The following PTPRT variants were observed in gnomAD, a reference collection of about 807,000 sequenced individuals.
The protein encoded by PTPRT is receptor-type tyrosine-protein phosphatase T.
PTPRT carries 56 observed loss-of-function variants against 176.8 expected under a neutral mutation model. That is an observed-to-expected ratio of 0.32 (90% CI 0.26 to 0.40). The LOEUF is 0.40. Ranked by LOEUF, PTPRT falls within the 10% of genes least tolerant of loss-of-function variation. PTPRT has a pLI of 1.00. For synonymous variants in PTPRT, 783 were observed against 739.0 expected, an observed-to-expected ratio of 1.06 and a Z score of -0.96; for missense variants, 1,540 against 1,908.2, an observed-to-expected ratio of 0.81 and a Z score of 3.60.
chr20:42,930,424 G>A (rs1359351910), intron 1 of PTPRT, among the ~76,000 whole-genome samples: 1 of 152,006 alleles, frequency 6.6e-6, no homozygotes, highest in East Asian at 1.9e-4. Flanking sequence ...TTCCCTAAAT[G>A]CCTCAAGTCT....
At chr20:42,996,545 T>G (rs1457837545) in intron 1 of PTPRT, among the ~76,000 whole-genome samples, 1 of 152,206 alleles carries the variant, frequency 6.6e-6, no homozygotes, top group African/African-American at 2.4e-5. Flanking sequence ...TGGATCCACT[T>G]TGCACACACA....
chr20:42,609,096 C>T (rs148894555), intron 7 of PTPRT, among the ~76,000 whole-genome samples: 2 of 152,100 alleles, frequency 1.3e-5, no homozygotes, highest in African/African-American at 4.8e-5. Context: ...ATTTTTGAGA[C>T]AGAGTCTCCT....
intron 7 of PTPRT, among the ~76,000 whole-genome samples, chr20:42,648,491 C>T (rs891694930): frequency 6.6e-6 from 1 of 152,122 alleles, no homozygotes; most frequent in African/African-American, 2.4e-5. Context: ...AGAGAAACAG[C>T]AGGTTCTATC....
intron 1 of PTPRT, among the ~76,000 whole-genome samples, chr20:43,014,135 T>C (rs1325170271): frequency 2.0e-5 from 3 of 152,088 alleles, no homozygotes; most frequent in Non-Finnish European, 4.4e-5. Context: ...GAAAAACACA[T>C]CTATTCTCTC....
intron 2 of PTPRT, among the ~76,000 whole-genome samples, chr20:42,850,236 GTA>G (rs1322600554): frequency 6.6e-6 from 1 of 152,184 alleles, no homozygotes; most frequent in African/African-American, 2.4e-5. Flanking sequence ...CTTTGAACCT[GTA>G]TAGTGTAGGC....
At chr20:42,329,065 C>A (rs1172125056) in intron 11 of PTPRT, among the ~76,000 whole-genome samples, 1 of 152,040 alleles carries the variant, frequency 6.6e-6, no homozygotes, top group Non-Finnish European at 1.5e-5. Context: ...ACACCACAAG[C>A]TTAATGTTAG....
At chr20:42,400,383 G>GT in intron 9 of PTPRT, among the ~76,000 whole-genome samples, 1 of 152,056 alleles carries the variant, frequency 6.6e-6, no homozygotes, top group Admixed American at 6.6e-5. Context: ...CTATGTCCTA[G>GT]GGAGATGAGT....
chr20:42,938,251 CT>C (rs1377373080), intron 1 of PTPRT, among the ~76,000 whole-genome samples: 2 of 152,146 alleles, frequency 1.3e-5, no homozygotes, highest in Non-Finnish European at 2.9e-5. Flanking sequence ...ATATCAGTAT[CT>C]GTAACTCATA....
At chr20:42,295,257 A>G (rs961434332) in intron 12 of PTPRT, among the ~76,000 whole-genome samples, 1 of 152,222 alleles carries the variant, frequency 6.6e-6, no homozygotes, top group Non-Finnish European at 1.5e-5. Flanking sequence ...GAATTAGACT[A>G]TCATGATACT....
At chr20:43,137,738 C>T (rs1165410504) in intron 1 of PTPRT, among the ~76,000 whole-genome samples, 1 of 152,190 alleles carries the variant, frequency 6.6e-6, no homozygotes, top group African/African-American at 2.4e-5. Flanking sequence ...GCACCTTAGG[C>T]TGACCCTGCC....
intron 7 of PTPRT, among the ~76,000 whole-genome samples, chr20:42,525,261 C>T (rs2072247983): frequency 6.6e-6 from 1 of 152,162 alleles, no homozygotes; most frequent in South Asian, 2.1e-4. Context: ...GCTAGGATTA[C>T]AGGTGTAAGT....
intron 1 of PTPRT, among the ~76,000 whole-genome samples, chr20:42,940,340 T>C (rs978394310): frequency 1.3e-5 from 2 of 152,226 alleles, no homozygotes; most frequent in Non-Finnish European, 2.9e-5. Context: ...CCTTTGATGT[T>C]GTCAAAGAGC....
intron 7 of PTPRT, among the ~76,000 whole-genome samples, chr20:42,493,055 CA>C (rs1669911970): frequency 6.6e-6 from 1 of 152,258 alleles, no homozygotes. Context: ...ATGATAACCA[CA>C]AAAACAACCA....
At chr20:42,750,504 T>G (rs1889847840) in intron 6 of PTPRT, among the ~76,000 whole-genome samples, 1 of 152,138 alleles carries the variant, frequency 6.6e-6, no homozygotes, top group East Asian at 1.9e-4. Flanking sequence ...GAAACTCAAG[T>G]GTATTTAGAA....
the PTPRT span, among the ~76,000 whole-genome samples, chr20:42,052,476 C>A: frequency 2.1e-4 from 32 of 152,164 alleles, no homozygotes; most frequent in South Asian, 5.8e-3. Context: ...TGAAGAGTGG[C>A]CCCCCCACAC....
At chr20:42,673,981 T>C (rs1389930882) in intron 7 of PTPRT, among the ~76,000 whole-genome samples, 1 of 152,196 alleles carries the variant, frequency 6.6e-6, no homozygotes. Flanking sequence ...GCCTGTAAAT[T>C]CCTCTGGGCA....
chr20:42,387,149 T>A (rs1025549653), intron 9 of PTPRT, among the ~76,000 whole-genome samples: 4 of 152,214 alleles, frequency 2.6e-5, no homozygotes, highest in African/African-American at 9.6e-5. Flanking sequence ...TATACTCTCT[T>A]CATATTAAAC....
At chr20:42,955,703 T>G (rs1324485530) in intron 1 of PTPRT, among the ~76,000 whole-genome samples, 2 of 152,004 alleles carry the variant, frequency 1.3e-5, no homozygotes, top group Non-Finnish European at 2.9e-5. Context: ...CTGACTTTGA[T>G]CCCCAGCCCA....
the PTPRT span, among the ~76,000 whole-genome samples, chr20:42,066,961 T>C: frequency 1.3e-5 from 2 of 152,216 alleles, no homozygotes; most frequent in South Asian, 2.1e-4. Flanking sequence ...AAAATGTCTT[T>C]CTTTTTTTTG....
Sources: allele counts gnomAD v4.1 joint callset (sites outside exome capture counted in the v4.1 genomes callset), GRCh38; gene constraint gnomAD v4.1.1; transcripts MANE v1.5; gene names NCBI Gene and HGNC (gene_info 2026-07-23, HGNC 2026-07-21).